Variants in DRC7 observed in about 807,000 individuals in gnomAD.
DRC7 encodes dynein regulatory complex subunit 7, also known as coiled-coil domain containing 135.
DRC7 carries 80 observed loss-of-function variants against 104.4 expected under a neutral mutation model. That is an observed-to-expected ratio of 0.77 (90% confidence interval 0.64 to 0.92). The LOEUF is 0.92. DRC7 is among the 40% of genes least tolerant of loss of function. The pLI is 0.00. For missense variants in DRC7, 1,034 were observed against 1,141.1 expected (o/e 0.91, Z 1.35); for synonymous variants, 405 against 447.3 (o/e 0.91, Z 1.19).
At chr16:57,703,607 C>T (rs1293662788) in intron 6 of DRC7, among the ~76,000 whole-genome samples, 2 of 152,190 alleles carry the variant, frequency 1.3e-5, no homozygotes, top group Non-Finnish European at 2.9e-5. Context: ...GAGCCTTGCT[C>T]TCTCAGGCCC....
In DRC7 at chr16:57,722,741, GA is replaced by G. The variant is rs768917099; in HGVS notation, c.1310del (p.Lys437ArgfsTer2). ...TTGAGACCCGCTGCCCGAACGGGAAGAAGGTGATTCAGTACAAGAGGGCAAA... is the reference window on the plus strand; with the variant it reads ...TTGAGACCCGCTGCCCGAACGGGAAGAGGTGATTCAGTACAAGAGGGCAAA... ...AFETRCPNGK[K>X]VIQYKRAKLE... is the part of the protein sequence containing the mutation. On this transcript the variant is annotated frameshift_variant, in exon 11 of 19. Transcript: ENST00000360716. LOFTEE classifies it high-confidence loss of function. 5.0e-6 allele frequency: 8 copies of G among 1,613,856 alleles called. No homozygotes were observed. The highest frequency in any genetic ancestry group is 6.8e-6 in the Non-Finnish European group (8 of 1,180,002).
chr16:57,717,683 A>G (rs2048859108), intron 8 of DRC7, among the ~76,000 whole-genome samples: 1 of 151,286 alleles, frequency 6.6e-6, no homozygotes, highest in African/African-American at 2.4e-5. Context: ...TGGGCGACAG[A>G]GTGAGACTCT....
intron 13 of DRC7, 117 bp from the exon 14 acceptor site, chr16:57,725,951 A>G: frequency 1.1e-6 from 1 of 890,114 alleles, no homozygotes; most frequent in Non-Finnish European, 1.8e-6. Flanking sequence ...GTGAATCGCC[A>G]AACGACCCCA....
intron 10 of DRC7, 62 bp downstream of exon 10, chr16:57,721,801 GT>G: frequency 7.7e-7 from 1 of 1,301,528 alleles, no homozygotes; most frequent in Admixed American, 1.8e-5. Flanking sequence ...CTCCAGAGAG[GT>G]CTGCAACAGC....
intron 12 of DRC7, among the ~76,000 whole-genome samples, chr16:57,723,859 C>A (rs2048934311): frequency 6.6e-6 from 1 of 151,230 alleles, no homozygotes; most frequent in South Asian, 2.1e-4. Flanking sequence ...GGTCCCTAAC[C>A]AATAAAGGAC....
chr16:57,729,725 A>G (rs1459643987), intron 17 of DRC7, among the ~76,000 whole-genome samples: 7 of 27,570 alleles, frequency 2.5e-4, no homozygotes, highest in Admixed American at 5.5e-4. Context: ...TGGATGGGTG[A>G]GTGGGTGGGT....
Position 57,696,578 on chromosome 16 carries a change from G to A in DRC7, c.-54G>A, listed in dbSNP as rs1001040752. The A allele has an allele frequency of 1.3e-5, 2 of 152,302 alleles. No individual in the cohort carries two copies. Among genetic ancestry groups the A allele is most frequent in the African/African-American group, 4.8e-5 (2 of 41,464 alleles). The allele number at this position is 152,302 out of a possible 1,614,324, so 9.4% of individuals were successfully genotyped here. Reference sequence around the variant, plus strand: ...AACTGGGGTTCTGCCGTATAGAAGAGGAGACTGGATCTTTGGGTAGGTGAC... The same window carrying A: ...AACTGGGGTTCTGCCGTATAGAAGAAGAGACTGGATCTTTGGGTAGGTGAC... On this transcript the variant is annotated 5_prime_UTR_variant, in exon 2 of 19. Transcript: ENST00000360716.
At chr16:57,723,230 T>C (rs1184990817) in intron 12 of DRC7, 100 bp downstream of exon 12, 5 of 1,406,978 alleles carry the variant, frequency 3.6e-6, no homozygotes, top group Non-Finnish European at 4.8e-6. Flanking sequence ...AGCATACATA[T>C]TATACATGGG....
intron 8 of DRC7, among the ~76,000 whole-genome samples, chr16:57,717,473 C>T (rs1038953292): frequency 6.0e-5 from 9 of 150,564 alleles, no homozygotes; most frequent in Non-Finnish European, 1.0e-4. Flanking sequence ...CCAAGGCAGG[C>T]GTATCACTTG....
In DRC7 at chr16:57,701,940, C is replaced by T. The variant is rs576749114; in HGVS notation, c.509C>T (p.Ser170Leu). 109 of 1,613,592 alleles carry T rather than the reference C, an allele frequency of 6.8e-5. No homozygotes were observed. Among genetic ancestry groups the T allele is most frequent in the Non-Finnish European group, 8.1e-5 (95 of 1,179,752 alleles). ...VPLPDPLKPP[S>L]HLYSSTTVLK... ...TGACCGTCCCACTGTGACCAGCCCTCGCACCTGTACTCCTCGACCACTGTG... is the reference window on the plus strand; with the variant it reads ...TGACCGTCCCACTGTGACCAGCCCTTGCACCTGTACTCCTCGACCACTGTG... Residue 170 changes from serine (S) to leucine (L), a missense_variant, in exon 6 of 19, where the codon TCG becomes TTG. Physicochemically the swap from Ser to Leu is moderately radical, Grantham distance 145. Transcript: ENST00000360716.
chr16:57,713,392 C>T (rs997162657), intron 8 of DRC7, among the ~76,000 whole-genome samples: 5 of 152,106 alleles, frequency 3.3e-5, no homozygotes, highest in African/African-American at 1.2e-4. Context: ...TCAGTATTTG[C>T]TTCATGTATT....
chr16:57,719,501 C>T (rs2048881061), intron 9 of DRC7, among the ~76,000 whole-genome samples: 1 of 152,012 alleles, frequency 6.6e-6, no homozygotes, highest in African/African-American at 2.4e-5. Flanking sequence ...TATAAGGACA[C>T]CAGTCATTTT....
chr16:57,721,087 A>C (rs1481806784), intron 9 of DRC7, among the ~76,000 whole-genome samples: 1 of 152,098 alleles, frequency 6.6e-6, no homozygotes, highest in Non-Finnish European at 1.5e-5. Context: ...TGGTAGGTGC[A>C]TGCCTGTAAT....
rs193175106 is a variant in DRC7, at chr16:57,708,093, C to T, written c.1077+415C>T. On this transcript the variant is annotated intron_variant, in intron 8 of 18. Transcript: ENST00000360716. ...AGTCCCTTTGCACAATTACTATCTT[C>T]CTCCAAATGTATTTTTAACTCACGT... 3.9e-5 allele frequency among the ~76,000 whole-genome samples: 6 copies of T among 152,254 alleles called. No homozygotes were observed. The East Asian group carries it at 9.6e-4, about 24-fold the overall frequency.
intron 8 of DRC7, among the ~76,000 whole-genome samples, chr16:57,711,724 G>A (rs1284715519): frequency 6.6e-6 from 1 of 152,220 alleles, no homozygotes; most frequent in Non-Finnish European, 1.5e-5. Context: ...CAGAGCATTC[G>A]TGCATTCAGG....
At chr16:57,718,561 C>T in intron 9 of DRC7, 86 bp downstream of exon 9, 1 of 1,516,316 alleles carries the variant, frequency 6.6e-7, no homozygotes, top group African/African-American at 1.4e-5. Flanking sequence ...ATATGTGTGG[C>T]AGTGGGGGAT....
At chr16:57,711,124 A>G (rs1415935961) in intron 8 of DRC7, among the ~76,000 whole-genome samples, 1 of 152,168 alleles carries the variant, frequency 6.6e-6, no homozygotes, top group Non-Finnish European at 1.5e-5. Flanking sequence ...TTCTTTGTGG[A>G]AGGATTTTAA....
chr16:57,712,305 G>A (rs572781706), intron 8 of DRC7, among the ~76,000 whole-genome samples: 86 of 152,252 alleles, frequency 5.6e-4, no homozygotes, highest in Non-Finnish European at 1.1e-3. Context: ...TGCAAATTAA[G>A]GGGCAGATTA....
At chr16:57,730,399 G>A (rs2049047965) in intron 17 of DRC7, among the ~76,000 whole-genome samples, 4 of 151,958 alleles carry the variant, frequency 2.6e-5, no homozygotes, top group African/African-American at 9.7e-5. Context: ...GTGGAAGGAC[G>A]GATGGACGGA....
Sources: allele counts gnomAD v4.1 joint callset (sites outside exome capture counted in the v4.1 genomes callset), GRCh38; gene constraint gnomAD v4.1.1; transcripts MANE v1.5; gene names NCBI Gene and HGNC (gene_info 2026-07-23, HGNC 2026-07-21).